Variants in CCND1 observed in about 807,000 individuals in gnomAD.
The protein encoded by CCND1 is cyclin D1.
CCND1 carries 9 observed loss-of-function variants against 26.1 expected under a neutral mutation model. The observed-to-expected ratio is 0.35, with a 90% CI of 0.21 to 0.60. CCND1 has a LOEUF of 0.60. Ranked by LOEUF, CCND1 falls within the 20% of genes least tolerant of loss-of-function variation. The pLI, the probability that CCND1 is intolerant of heterozygous loss-of-function variation, is 0.79. For synonymous variants in CCND1, 194 were observed against 166.1 expected (o/e 1.17, Z -1.29); for missense variants, 335 against 392.9 (o/e 0.85, Z 1.25).
At chr11:69,644,316 C>T (rs1435224141) in intron 3 of CCND1, 1 of 355,634 alleles carries the variant, frequency 2.8e-6, no homozygotes, top group Non-Finnish European at 5.3e-6. Context: ...AGGGGTTTAC[C>T]TTGGCCACAG....
rs978665135 is a variant in CCND1, at chr11:69,654,224, G to A, written c.*2942G>A. ...GGCCTTGAGGGACGCTTTGTCTGTCGTGATGGGGCAAGGGCACAAGTCCTG... is the reference window on the plus strand; with the variant it reads ...GGCCTTGAGGGACGCTTTGTCTGTCATGATGGGGCAAGGGCACAAGTCCTG... On this transcript the variant is annotated 3_prime_UTR_variant, in exon 5 of 5. Transcript: ENST00000227507. The surrounding 1 kb of genome is among the most constrained non-coding windows in gnomAD (Gnocchi z 6.3). The A allele has an allele frequency of 8.4e-5, 59 of 702,390 alleles. No individual in the cohort carries two copies. Among genetic ancestry groups the A allele is most frequent in the Non-Finnish European group, 1.2e-4 (46 of 385,012 alleles). The allele number at this position is 702,390 out of a possible 1,614,324, so 43.5% of individuals were successfully genotyped here.
Position 69,643,907 on chromosome 11 carries a change from T to C in CCND1, c.490T>C (p.Phe164Leu), listed in dbSNP as rs537363548. Residue 164 changes from phenylalanine (F) to leucine (L), a missense_variant, in exon 3 of 5, where the codon TTC becomes CTC. Coordinates refer to ENST00000227507, the MANE Select transcript of CCND1 (RefSeq NM_053056.3). Reference protein sequence around the residue: ...AMTPHDFIEHFLSKMPEAEEN... With the variant: ...AMTPHDFIEHLLSKMPEAEEN... ...GACCCCGCACGATTTCATTGAACAC[T>C]TCCTCTCCAAAATGCCAGAGGCGGA... 1 of 1,613,686 alleles carries C rather than the reference T, an allele frequency of 6.2e-7. No homozygotes were observed. The highest frequency in any genetic ancestry group is 2.2e-5 in the East Asian group (1 of 44,874).
chr11:69,650,285 C>CG (rs1408225041), intron 4 of CCND1, among the ~76,000 whole-genome samples: 1 of 152,254 alleles, frequency 6.6e-6, no homozygotes, highest in East Asian at 1.9e-4. Flanking sequence ...CAGAAGCCCC[C>CG]GGGCAGTAAG....
At chr11:69,642,436 G>A (rs974830458) in intron 1 of CCND1, among the ~76,000 whole-genome samples, 2 of 152,212 alleles carry the variant, frequency 1.3e-5, no homozygotes, top group African/African-American at 4.8e-5. Flanking sequence ...GGGGGAAGGG[G>A]GGGCCCCGGA....
At chr11:69,650,534 C>A (rs1308252914) in intron 4 of CCND1, among the ~76,000 whole-genome samples, 1 of 152,214 alleles carries the variant, frequency 6.6e-6, no homozygotes, top group Non-Finnish European at 1.5e-5. Flanking sequence ...CTGTGCCAGG[C>A]TGATGGCTGG....
intron 4 of CCND1, among the ~76,000 whole-genome samples, chr11:69,648,765 C>T (rs1855817473): frequency 6.6e-6 from 1 of 152,190 alleles, no homozygotes; most frequent in Admixed American, 6.5e-5. Context: ...CAGCCGCCGG[C>T]CCCGCGGTGT....
intron 3 of CCND1, among the ~76,000 whole-genome samples, chr11:69,647,360 G>A (rs1323301076): frequency 6.6e-6 from 1 of 152,124 alleles, no homozygotes; most frequent in African/African-American, 2.4e-5. Flanking sequence ...AGCCAAGCCG[G>A]GCTCTCCTGG....
chr11:69,653,696 TG>T lies in CCND1; in HGVS notation c.*2415del. The T allele has an allele frequency of 3.1e-6, 1 of 323,250 alleles. No individual in the cohort carries two copies. Among genetic ancestry groups the T allele is most frequent in the East Asian group, 4.9e-5 (1 of 20,572 alleles). 20.0% of individuals were successfully genotyped at this position (323,250 alleles called of 1,614,324 possible). ...CGCCTGTGATGCTGGGCACTTCATC[TG>T]ATCGGGGGCGTAGCATCATAGTAGT... On this transcript the variant is annotated 3_prime_UTR_variant, in exon 5 of 5. Transcript: ENST00000227507.
chr11:69,644,015 G>T (rs1219404091), intron 3 of CCND1, 24 bp downstream of exon 3: 1 of 1,612,578 alleles, frequency 6.2e-7, no homozygotes, highest in East Asian at 2.2e-5. Flanking sequence ...GGCAGCCCCC[G>T]GCCTCCCCTT....
At position 69,643,251 on chromosome 11, in the gene CCND1, C is replaced by G. The variant is rs1424359226; in HGVS notation, c.414+5C>G. 5 of 1,557,556 alleles carry G rather than the reference C, an allele frequency of 3.2e-6. No homozygotes were observed. The highest frequency in any genetic ancestry group is 1.9e-5 in the Admixed American group (1 of 52,604). ...ATCCGGCCCGAGGAGCTGCTGGTAACCACTGGACCCCGCCGCCCCCCGCCC... is the reference window on the plus strand; with the variant it reads ...ATCCGGCCCGAGGAGCTGCTGGTAAGCACTGGACCCCGCCGCCCCCCGCCC... On this transcript the variant is annotated splice_donor_5th_base_variant and intron_variant, in intron 2 of 4. Coordinates refer to ENST00000227507, the MANE Select transcript of CCND1 (RefSeq NM_053056.3).
intron 4 of CCND1, among the ~76,000 whole-genome samples, chr11:69,649,320 T>C (rs1317320485): frequency 6.6e-6 from 1 of 152,210 alleles, no homozygotes; most frequent in Non-Finnish European, 1.5e-5. Context: ...CCCTGGGATG[T>C]TGCTGTCTTC....
chr11:69,643,629 A>C, intron 2 of CCND1: 1 of 521,210 alleles, frequency 1.9e-6, no homozygotes, highest in East Asian at 3.2e-5. Flanking sequence ...TTCTGTTTTG[A>C]TCTGGGATTG....
At position 69,643,047 on chromosome 11, in the gene CCND1, A is replaced by G. The variant is rs2120088174; in HGVS notation, c.215A>G (p.Lys72Arg). 1 of 1,603,260 alleles carries G rather than the reference A, an allele frequency of 6.2e-7. No homozygotes were observed. The highest frequency in any genetic ancestry group is 1.1e-5 in the South Asian group (1 of 89,798). Reference protein sequence around the residue: ...TWMLEVCEEQKCEEEVFPLAM... With the variant: ...TWMLEVCEEQRCEEEVFPLAM... ...CCTCCGTAGGTCTGCGAGGAACAGA[A>G]GTGCGAGGAGGAGGTCTTCCCGCTG... is the stretch of plus-strand genomic sequence containing the variant. Residue 72 changes from lysine to arginine, a missense_variant, in exon 2 of 5, where the codon AAG becomes AGG. By Grantham distance (26) the Lys-to-Arg change is conservative (BLOSUM62 2). Coordinates refer to ENST00000227507, the MANE Select transcript of CCND1 (RefSeq NM_053056.3).
chr11:69,647,653 G>A lies in CCND1; in HGVS notation c.575-341G>A, dbSNP rs189883841. 3.6e-4 allele frequency among the ~76,000 whole-genome samples: 55 copies of A among 152,350 alleles called. 1 individual carries two copies. Among genetic ancestry groups the A allele is most frequent in the East Asian group, 1.2e-3 (6 of 5,182 alleles). On this transcript the variant is annotated intron_variant, in intron 3 of 4. Transcript: ENST00000227507. ...CATCTAATTTTGTTTTTGTGAATAC[G>A]TGATAACATTCACAAGGCTCAAGAT...
At position 69,643,964 on chromosome 11, in the gene CCND1, C is replaced by G. The variant is rs1434771092; in HGVS notation, c.547C>G (p.Gln183Glu). The G allele has an allele frequency of 6.2e-7, 1 of 1,613,462 alleles. No homozygotes were observed. Among genetic ancestry groups the G allele is most frequent in the South Asian group, 1.1e-5 (1 of 91,084 alleles). The part of the protein sequence containing the change: ...ENKQIIRKHA[Q>E]TFVALCATDV... ...CAAACAGATCATCCGCAAACACGCG[C>G]AGACCTTCGTTGCCCTCTGTGCCAC... is the stretch of plus-strand genomic sequence containing the variant. The change falls in exon 3 of 5, where the codon CAG becomes GAG. Residue 183 changes from glutamine to glutamate, a missense_variant. Transcript: ENST00000227507.
In CCND1 at chr11:69,646,460, ACCCCTGGCGG is replaced by A. The variant is rs369611596; in HGVS notation, c.575-1530_575-1521del. Among the ~76,000 whole-genome samples the A allele has an allele frequency of 3.3e-5, 5 of 151,450 alleles. No homozygotes were observed. The South Asian group carries it at 8.4e-4, about 25-fold the overall frequency. On this transcript the variant is annotated intron_variant, in intron 3 of 4. Transcript: ENST00000227507. ...GATGAAGTCTCGGATGGGCCGCCAC[ACCCCTGGCGG>A]CCCGTGGGGGCCCCTCTCCCTTTGT...
intron 4 of CCND1, among the ~76,000 whole-genome samples, chr11:69,650,810 G>A (rs1457083822): frequency 1.3e-5 from 2 of 152,146 alleles, no homozygotes; most frequent in African/African-American, 2.4e-5. Flanking sequence ...GGGAACAGGC[G>A]GTGAAGGCGC....
chr11:69,653,359 C>G lies in CCND1; in HGVS notation c.*2077C>G, dbSNP rs560082693. 2.9e-5 allele frequency: 20 copies of G among 700,036 alleles called. No individual in the cohort carries two copies. The highest frequency in any genetic ancestry group is 2.8e-4 in the African/African-American group (16 of 57,030). The allele number at this position is 700,036 out of a possible 1,614,324, so 43.4% of individuals were successfully genotyped here. ...GTTTTTTGTTTTACAATGTCATATA[C>G]TGCCATGTACTAGTTTTAGTTTTCT... On this transcript the variant is annotated 3_prime_UTR_variant, in exon 5 of 5. Coordinates refer to ENST00000227507, the MANE Select transcript of CCND1 (RefSeq NM_053056.3).
rs2120079618 is a variant in CCND1 at position 69,641,323 on chromosome 11, C to G, written c.10C>G (p.Gln4Glu). 1 of 1,612,062 alleles carries G rather than the reference C, an allele frequency of 6.2e-7. No individual in the cohort carries two copies. The highest frequency in any genetic ancestry group is 8.5e-7 in the Non-Finnish European group (1 of 1,179,972). Residue 4 changes from glutamine (Q) to glutamate (E), a missense_variant, in exon 1 of 5, where the codon CAG becomes GAG. By Grantham distance (29) the Gln-to-Glu change is conservative. Transcript: ENST00000227507. ...AGGAAGAGCCCCAGCCATGGAACAC[C>G]AGCTCCTGTGCTGCGAAGTGGAAAC... The part of the protein sequence containing the change: MEH[Q>E]LLCCEVETIR...
Sources: gnomAD v4.1 joint callset for allele counts (sites outside exome capture counted in the v4.1 genomes callset) on GRCh38, gnomAD v4.1.1 for gene constraint, Gnocchi (gnomAD v3.1) non-coding constraint, MANE v1.5 for transcripts, NCBI Gene and HGNC (gene_info 2026-07-23, HGNC 2026-07-21) for gene names.